The following RABGAP1L variants were observed in gnomAD, a reference collection of about 807,000 sequenced individuals.
The protein encoded by RABGAP1L is rab GTPase-activating protein 1-like.
A neutral mutation model predicts 137.7 loss-of-function variants in RABGAP1L; 63 were observed. The ratio of observed to expected loss-of-function variants is 0.46; its 90% CI spans 0.37 to 0.56. RABGAP1L has a LOEUF of 0.56. Ranked by LOEUF, RABGAP1L falls within the 20% of genes least tolerant of loss-of-function variation. The pLI is 0.00. For synonymous variants in RABGAP1L, 431 were observed against 433.7 expected (o/e 0.99, Z 0.08); for missense variants, 1,095 against 1,244.0 (o/e 0.88, Z 1.80).
intron 10 of RABGAP1L, among the ~76,000 whole-genome samples, chr1:174,292,526 A>G (rs1676730574): frequency 6.6e-6 from 1 of 151,792 alleles, no homozygotes. Flanking sequence ...GGTCATTCAG[A>G]AGCATATTGT....
At chr1:174,835,278 AAAG>A (rs1467538335) in intron 19 of RABGAP1L, among the ~76,000 whole-genome samples, 10 of 152,226 alleles carry the variant, frequency 6.6e-5, no homozygotes, top group African/African-American at 1.9e-4. Flanking sequence ...TTTGATAAAT[AAAG>A]AATGCTAATG....
chr1:174,827,900 G>A (rs1691748099), intron 19 of RABGAP1L, among the ~76,000 whole-genome samples: 1 of 148,006 alleles, frequency 6.8e-6, no homozygotes, highest in Non-Finnish European at 1.5e-5. Context: ...TGAAAGAGAG[G>A]CAGTGAATTG....
chr1:174,976,705 T>A (rs1670672478), intron 22 of RABGAP1L, among the ~76,000 whole-genome samples: 1 of 152,176 alleles, frequency 6.6e-6, no homozygotes, highest in Admixed American at 6.5e-5. Flanking sequence ...CCTGGGGGAA[T>A]ATAAAGAAAC....
At chr1:174,489,010 A>G (rs1659952859) in intron 13 of RABGAP1L, among the ~76,000 whole-genome samples, 1 of 148,682 alleles carries the variant, frequency 6.7e-6, no homozygotes. Flanking sequence ...GAGTGAGAAC[A>G]TGCGGTGTTT....
intron 11 of RABGAP1L, among the ~76,000 whole-genome samples, chr1:174,349,964 A>G (rs1369172547): frequency 2.8e-5 from 2 of 72,202 alleles, no homozygotes; most frequent in Admixed American, 1.5e-4. Flanking sequence ...GGGGGGGCTG[A>G]CCCCCCCATC....
intron 19 of RABGAP1L, among the ~76,000 whole-genome samples, chr1:174,891,580 A>T (rs1263171603): frequency 6.6e-6 from 1 of 152,126 alleles, no homozygotes; most frequent in African/African-American, 2.4e-5. Context: ...ATCATAGCTC[A>T]CTGCAGCCTT....
intron 14 of RABGAP1L, among the ~76,000 whole-genome samples, chr1:174,640,652 A>T (rs962505684): frequency 6.6e-6 from 1 of 152,082 alleles, no homozygotes; most frequent in Non-Finnish European, 1.5e-5. Flanking sequence ...GAACTGAATA[A>T]ACATTAATAA....
At position 174,991,378 on chromosome 1, in the gene RABGAP1L, A is replaced by G. The variant is rs1672041248; in HGVS notation, c.*1377A>G. On this transcript the variant is annotated 3_prime_UTR_variant, in exon 26 of 26. Transcript: ENST00000681986. ...CCTCATTGTTGAACATATTATTTGC[A>G]AAGAATCTTAAACTCTGTAGTGCCA... The G allele has an allele frequency of 6.6e-6, 1 of 152,230 alleles. No individual in the cohort carries two copies. The highest frequency in any genetic ancestry group is 1.5e-5 in the Non-Finnish European group (1 of 68,044). The allele number at this position is 152,230 out of a possible 1,614,324, so 9.4% of individuals were successfully genotyped here. A position where few individuals can be genotyped will look rare whatever the true frequency, so the allele number is the denominator to read the frequency against.
At chr1:174,705,587 G>A (rs1249225567) in intron 17 of RABGAP1L, 1 of 151,986 alleles carries the variant, frequency 6.6e-6, no homozygotes, top group Non-Finnish European at 1.5e-5. Context: ...CATGATGTTC[G>A]GGGAAGTAAA....
chr1:174,719,593 T>G (rs953842175), intron 17 of RABGAP1L, among the ~76,000 whole-genome samples: 2 of 152,212 alleles, frequency 1.3e-5, no homozygotes, highest in African/African-American at 4.8e-5. Context: ...TTTATTTAGG[T>G]CAGATATGGC....
chr1:174,714,382 T>A (rs1405314776), intron 17 of RABGAP1L, among the ~76,000 whole-genome samples: 1 of 152,164 alleles, frequency 6.6e-6, no homozygotes, highest in Non-Finnish European at 1.5e-5. Context: ...CCCCACCAGA[T>A]TATAAATTTC....
At chr1:174,252,978 C>T (rs1672835228) in intron 7 of RABGAP1L, among the ~76,000 whole-genome samples, 1 of 152,076 alleles carries the variant, frequency 6.6e-6, no homozygotes, top group Admixed American at 6.6e-5. Flanking sequence ...TAAATACATA[C>T]ACATATACTT....
intron 14 of RABGAP1L, among the ~76,000 whole-genome samples, chr1:174,655,087 T>C (rs1019666404): frequency 6.7e-6 from 1 of 150,218 alleles, no homozygotes. Context: ...CTAAACTGTT[T>C]GAGAGTGATT....
intron 4 of RABGAP1L, among the ~76,000 whole-genome samples, chr1:174,239,123 G>A (rs561920215): frequency 6.6e-6 from 1 of 152,120 alleles, no homozygotes; most frequent in East Asian, 1.9e-4. Flanking sequence ...GCCCTGCTTC[G>A]GCTCGCGCAC....
intron 3 of RABGAP1L, among the ~76,000 whole-genome samples, chr1:174,223,001 G>C (rs1669875029): frequency 6.6e-6 from 1 of 151,914 alleles, no homozygotes; most frequent in African/African-American, 2.4e-5. Flanking sequence ...TGGGCGGGGT[G>C]GCTCAAGCCT....
rs182145420 is a variant in RABGAP1L at position 174,818,350 on chromosome 1, A to C, written c.2340+6390A>C. Among the ~76,000 whole-genome samples the C allele has an allele frequency of 3.7e-3, 571 of 152,352 alleles. 3 individuals are homozygous for C. The highest frequency in any genetic ancestry group is 0.013 in the African/African-American group (546 of 41,580). The stretch of plus-strand genomic sequence containing the variant: ...AGAAGGAAGGAGTTGAACAAGTGTC[A>C]GTGGTACCTAGAGGTCATGTATAAG... On this transcript the variant is annotated intron_variant, in intron 19 of 25. Transcript: ENST00000681986.
chr1:174,494,125 T>C (rs1660529848), intron 13 of RABGAP1L, among the ~76,000 whole-genome samples: 1 of 152,182 alleles, frequency 6.6e-6, no homozygotes, highest in Admixed American at 6.5e-5. Flanking sequence ...TCTATTTCTT[T>C]TGAAAATAAT....
At chr1:174,388,476 C>A in intron 12 of RABGAP1L, among the ~76,000 whole-genome samples, 1 of 150,928 alleles carries the variant, frequency 6.6e-6, no homozygotes. Context: ...AGCACATAAG[C>A]TAAAGAAAGA....
At chr1:174,348,884 C>T (rs1571333044) in intron 11 of RABGAP1L, among the ~76,000 whole-genome samples, 1 of 152,226 alleles carries the variant, frequency 6.6e-6, no homozygotes, top group Non-Finnish European at 1.5e-5. Flanking sequence ...GGCAACCATC[C>T]GATTTCCCAA....
Sources: allele counts gnomAD v4.1 joint callset (sites outside exome capture counted in the v4.1 genomes callset), GRCh38; gene constraint gnomAD v4.1.1; transcripts MANE v1.5; gene names NCBI Gene and HGNC (gene_info 2026-07-23, HGNC 2026-07-21).